The following RBM46 variants were observed in gnomAD, a reference collection of about 807,000 sequenced individuals.
The protein encoded by RBM46 is probable RNA-binding protein 46.
Under a neutral mutation model 43.3 loss-of-function variants are expected in RBM46, and 12 were observed. The observed-to-expected ratio is 0.28, with a 90% CI of 0.18 to 0.45. RBM46 has a LOEUF of 0.45. Among genes scored for constraint, RBM46 ranks in the 20% least tolerant of loss-of-function variants. RBM46 has a pLI of 1.00. For synonymous variants in RBM46, 205 were observed against 207.6 expected (o/e 0.99, Z 0.11); for missense variants, 412 against 639.1 (o/e 0.64, Z 3.83).
At position 154,827,937 on chromosome 4, in the gene RBM46, C is replaced by T. The variant is rs777619985; in HGVS notation, c.1472C>T (p.Pro491Leu). Residue 491 changes from proline (P) to leucine (L), a missense_variant, in exon 5 of 5, where the codon CCC (proline) becomes CTC (leucine). By Grantham distance (98) the Pro-to-Leu change is moderately conservative. Around this residue, in one of 8 missense-constraint regions of RBM46, gnomAD observed 149 missense variants for 156.3 expected, o/e 0.95. Coordinates refer to ENST00000281722, the MANE Select transcript of RBM46 (RefSeq NM_144979.5). ...PVSATLSSGT[P>L]SVLPYTSRPY... ...AGTGCTACCCTCTCTTCTGGGACTCCCAGCGTGCTTCCTTATACTTCAAGG... is the reference window on the plus strand; with the variant it reads ...AGTGCTACCCTCTCTTCTGGGACTCTCAGCGTGCTTCCTTATACTTCAAGG... The T allele has an allele frequency of 8.1e-6, 13 of 1,613,846 alleles. 1 individual carries two copies. In the South Asian group the frequency reaches 1.3e-4, roughly 16 times the overall value.
chr4:154,786,636 A>C (rs1474577219), intron 1 of RBM46, among the ~76,000 whole-genome samples: 1 of 116,568 alleles, frequency 8.6e-6, no homozygotes, highest in Non-Finnish European at 1.7e-5. Context: ...GGTTAAAAAA[A>C]AAAAACAGTA....
chr4:154,810,991 A>G (rs1451579640), intron 4 of RBM46, among the ~76,000 whole-genome samples: 1 of 152,212 alleles, frequency 6.6e-6, no homozygotes, highest in Non-Finnish European at 1.5e-5. Flanking sequence ...TGTTCCTTCA[A>G]CAAATACTTA....
chr4:154,803,386 C>G (rs1734733144), intron 4 of RBM46, among the ~76,000 whole-genome samples: 1 of 152,000 alleles, frequency 6.6e-6, no homozygotes, highest in African/African-American at 2.4e-5. Context: ...TCACTGGAAA[C>G]TCATTACCTA....
chr4:154,804,814 G>GTTTTT (rs575968520), intron 4 of RBM46, among the ~76,000 whole-genome samples: 5 of 113,150 alleles, frequency 4.4e-5, no homozygotes, highest in Admixed American at 9.0e-5. Flanking sequence ...GATTAAGGTT[G>GTTTTT]TTTTTTTTTT....
chr4:154,798,324 G>T, intron 3 of RBM46, 46 bp downstream of exon 3: 1 of 1,215,876 alleles, frequency 8.2e-7, no homozygotes, highest in Non-Finnish European at 1.2e-6. Context: ...TTACAAATAT[G>T]GAGAGATGAT....
At chr4:154,816,502 T>A (rs1735451006) in intron 4 of RBM46, among the ~76,000 whole-genome samples, 1 of 152,132 alleles carries the variant, frequency 6.6e-6, no homozygotes, top group Admixed American at 6.5e-5. Context: ...AAAAAATAAC[T>A]TATCTTAATT....
intron 1 of RBM46, among the ~76,000 whole-genome samples, chr4:154,795,066 C>T (rs1314931493): frequency 1.3e-5 from 2 of 152,122 alleles, no homozygotes; most frequent in African/African-American, 4.8e-5. Flanking sequence ...TTTGCAGGCT[C>T]TGCTGTGCAG....
chr4:154,817,197 T>TA (rs781371109), intron 4 of RBM46, among the ~76,000 whole-genome samples: 1 of 152,260 alleles, frequency 6.6e-6, no homozygotes, highest in Non-Finnish European at 1.5e-5. Flanking sequence ...AGATTGGTGT[T>TA]ACATCGTTTT....
rs183266546 is a variant in RBM46, at chr4:154,827,682, A to G, written c.1403-186A>G. 915 of 1,414,364 alleles carry G rather than the reference A, an allele frequency of 6.5e-4. 2 individuals are homozygous for G. Among genetic ancestry groups the G allele is most frequent in the African/African-American group, 4.4e-3 (303 of 69,314 alleles). The allele number at this position is 1,414,364 out of a possible 1,614,324, so 87.6% of individuals were successfully genotyped here. A position where few individuals can be genotyped will look rare whatever the true frequency, so the allele number is the denominator to read the frequency against. On this transcript the variant is annotated intron_variant, in intron 4 of 4. Coordinates refer to ENST00000281722, the MANE Select transcript of RBM46 (RefSeq NM_144979.5). ...TGAGTAAAGGAAAGGTAATACTGAC[A>G]AAACTCTCAGGATTTGCAGTGCAGT...
chr4:154,801,738 C>T (rs1156413103), intron 4 of RBM46, among the ~76,000 whole-genome samples: 2 of 152,104 alleles, frequency 1.3e-5, no homozygotes, highest in Non-Finnish European at 2.9e-5. Context: ...ATTGTTTGCC[C>T]ATTTCATAAA....
chr4:154,792,746 A>T (rs1223158067), intron 1 of RBM46, among the ~76,000 whole-genome samples: 2 of 152,218 alleles, frequency 1.3e-5, no homozygotes, highest in Non-Finnish European at 2.9e-5. Context: ...GGAACAATCT[A>T]TGTAAAGGAA....
intron 4 of RBM46, among the ~76,000 whole-genome samples, chr4:154,820,097 C>T (rs1023464776): frequency 5.3e-5 from 8 of 151,858 alleles, no homozygotes; most frequent in African/African-American, 7.2e-5. Context: ...GAAAGATAAA[C>T]GATAATTTGT....
At chr4:154,821,713 G>T (rs156569) in intron 4 of RBM46, among the ~76,000 whole-genome samples, 37,592 of 151,482 alleles carry the variant, frequency 0.25, 4,867 homozygotes, top group Middle Eastern at 0.32. Flanking sequence ...AATTGCTGTG[G>T]TTAATATATT....
At chr4:154,809,320 T>C (rs2111173284) in intron 4 of RBM46, among the ~76,000 whole-genome samples, 1 of 152,222 alleles carries the variant, frequency 6.6e-6, no homozygotes, top group South Asian at 2.1e-4. Context: ...AGCAGCTTGA[T>C]GATATCAGAT....
intron 4 of RBM46, 53 bp downstream of exon 4, chr4:154,799,617 T>C (rs1232053545): frequency 1.7e-6 from 2 of 1,211,176 alleles, no homozygotes; most frequent in African/African-American, 3.1e-5. Flanking sequence ...GGAAATACTG[T>C]AGATTATTTT....
At chr4:154,824,541 A>T (rs1735865872) in intron 4 of RBM46, among the ~76,000 whole-genome samples, 1 of 152,118 alleles carries the variant, frequency 6.6e-6, no homozygotes, top group Admixed American at 6.6e-5. Flanking sequence ...TGAAAGATAC[A>T]ATGTGAACGA....
intron 1 of RBM46, among the ~76,000 whole-genome samples, chr4:154,792,036 C>T (rs913973837): frequency 2.0e-5 from 3 of 151,994 alleles, no homozygotes; most frequent in Non-Finnish European, 4.4e-5. Flanking sequence ...GTTACATGAC[C>T]TCAAGTAAAT....
At position 154,810,350 on chromosome 4, in the gene RBM46, T is replaced by C. The variant is rs189680675; in HGVS notation, c.1402+10786T>C. 2.0e-3 allele frequency among the ~76,000 whole-genome samples: 302 copies of C among 152,278 alleles called. 2 individuals carry two copies. Among genetic ancestry groups the C allele is most frequent in the Non-Finnish European group, 1.3e-3 (91 of 67,998 alleles). ...ACTATATTTGGAATGTTTTGGTTGCTTTTGGGCACCACAATTTAATTCAAC... is the reference window on the plus strand; with the variant it reads ...ACTATATTTGGAATGTTTTGGTTGCCTTTGGGCACCACAATTTAATTCAAC... On this transcript the variant is annotated intron_variant, in intron 4 of 4. Coordinates refer to ENST00000281722, the MANE Select transcript of RBM46 (RefSeq NM_144979.5).
Position 154,798,122 on chromosome 4 carries a change from G to C in RBM46, c.463G>C (p.Glu155Gln). ...AGCTATTCCCAAGGAAAAGAAGAAA[G>C]AAGAAATTTTAGATGAAATGAAGAA... The part of the protein sequence containing the change: ...IGAIPKEKKK[E>Q]EILDEMKKVT... Residue 155 changes from glutamate (E) to glutamine (Q), a missense_variant, in exon 3 of 5, where the codon GAA becomes CAA. By Grantham distance (29) the Glu-to-Gln change is conservative. Transcript: ENST00000281722. 1 of 1,613,870 alleles carries C rather than the reference G, an allele frequency of 6.2e-7. No individual in the cohort carries two copies. Among genetic ancestry groups the C allele is most frequent in the Non-Finnish European group, 8.5e-7 (1 of 1,179,856 alleles).
Sources: gnomAD v4.1 joint callset for allele counts (sites outside exome capture counted in the v4.1 genomes callset) on GRCh38, gnomAD v4.1.1 for gene constraint, gnomAD v4.1.1 regional missense constraint, MANE v1.5 for transcripts, NCBI Gene and HGNC (gene_info 2026-07-23, HGNC 2026-07-21) for gene names.